The following FBXO3 variants were observed in gnomAD, a reference collection of about 807,000 sequenced individuals.
The protein encoded by FBXO3 is F-box only protein 3.
FBXO3 carries 17 observed loss-of-function variants against 64.8 expected under a neutral mutation model. The observed-to-expected ratio is 0.26, with a 90% CI of 0.18 to 0.39. The LOEUF is 0.39. Among genes scored for constraint, FBXO3 ranks in the 10% least tolerant of loss-of-function variants. The probability of loss-of-function intolerance (pLI) is 1.00; values close to 1 mark genes in which losing one functional copy is unlikely to be tolerated. For missense variants in FBXO3, 420 were observed against 589.9 expected, an observed-to-expected ratio of 0.71 and a Z score of 2.98; for synonymous variants, 182 against 201.6, an observed-to-expected ratio of 0.90 and a Z score of 0.82.
chr11:33,747,893 A>C (rs1590563390), intron 9 of FBXO3, among the ~76,000 whole-genome samples: 1 of 151,350 alleles, frequency 6.6e-6, no homozygotes, highest in South Asian at 2.1e-4. Context: ...AAAAAAAAAA[A>C]CAGAACAGGC....
chr11:33,754,065 A>G (rs980248579), intron 6 of FBXO3: 1 of 159,024 alleles, frequency 6.3e-6, no homozygotes, highest in Non-Finnish European at 1.4e-5. Context: ...TCTTAATGCT[A>G]CTGCATTAGC....
intron 9 of FBXO3, 86 bp downstream of exon 9, chr11:33,748,690 TA>T (rs1854877303): frequency 1.3e-6 from 1 of 748,370 alleles, no homozygotes; most frequent in East Asian, 2.6e-5. Context: ...TAACGACCTT[TA>T]TACATTTATA....
chr11:33,745,792 A>G (rs1013978551), intron 10 of FBXO3: 1 of 152,212 alleles, frequency 6.6e-6, no homozygotes, highest in Admixed American at 6.5e-5. Flanking sequence ...GCAGAAATCA[A>G]TGCGATAGAA....
intron 9 of FBXO3, 85 bp downstream of exon 9, chr11:33,748,692 T>C (rs951108609): frequency 7.9e-6 from 6 of 763,950 alleles, no homozygotes; most frequent in Non-Finnish European, 1.3e-5. Flanking sequence ...ACGACCTTTA[T>C]ACATTTATAT....
chr11:33,768,019 G>C (rs1210627416), intron 3 of FBXO3, among the ~76,000 whole-genome samples: 1 of 152,128 alleles, frequency 6.6e-6, no homozygotes, highest in Admixed American at 6.5e-5. Flanking sequence ...AAATTAGAGA[G>C]GAAACACAAA....
chr11:33,751,689 A>G, intron 6 of FBXO3, 82 bp from the exon 7 acceptor site: 1 of 706,094 alleles, frequency 1.4e-6, no homozygotes, highest in Non-Finnish European at 2.3e-6. Flanking sequence ...TAATTCCTCT[A>G]TGCTTTAGAA....
At chr11:33,771,745 C>A (rs1374140480) in intron 1 of FBXO3, 1 of 152,212 alleles carries the variant, frequency 6.6e-6, no homozygotes, top group Non-Finnish European at 1.5e-5. Context: ...ACATCATCCT[C>A]ATCCTTTTCT....
intron 10 of FBXO3, chr11:33,744,863 C>T (rs1854776025): frequency 6.6e-6 from 1 of 152,154 alleles, no homozygotes. Flanking sequence ...AGCATTAATA[C>T]AATCCACATA....
rs67370716 is a variant in FBXO3, at chr11:33,766,988, CA to C, written c.358+1862del. On this transcript the variant is annotated intron_variant, in intron 3 of 10. Transcript: ENST00000265651. The stretch of plus-strand genomic sequence containing the variant: ...CCTGGAACTACCAAAATTCATGCAC[CA>C]AAAAAAAAAAAAGAAAAAAAAAAGG... Among the ~76,000 whole-genome samples the C allele has an allele frequency of 7.1e-3, 394 of 55,172 alleles. 1 individual carries two copies. Among genetic ancestry groups the C allele is most frequent in the Admixed American group, 0.022 (108 of 4,970 alleles). 36.2% of individuals were successfully genotyped at this position (55,172 alleles called of 152,430 possible). A position where few individuals can be genotyped will look rare whatever the true frequency, so the allele number is the denominator to read the frequency against.
At position 33,750,679 on chromosome 11, in the gene FBXO3, T is replaced by C; in HGVS notation, c.810-18A>G. ...GAACATATCTAGGTAATTTAAAAAT[T>C]AAACATTTTAAAATCAACTACAGGA... On this transcript the variant is annotated intron_variant, in intron 7 of 10. Coordinates refer to ENST00000265651, the MANE Select transcript of FBXO3 (RefSeq NM_012175.4). 1 of 1,599,008 alleles carries C rather than the reference T, an allele frequency of 6.3e-7. No individual in the cohort carries two copies. The highest frequency in any genetic ancestry group is 1.7e-5 in the Admixed American group (1 of 59,114).
At position 33,770,746 on chromosome 11, in the gene FBXO3, T is replaced by G. The variant is rs1213921170; in HGVS notation, c.189A>C (p.Ile63=). The change falls in exon 2 of 11, where the codon ATA becomes ATC. Residue 63 remains isoleucine, a synonymous_variant. Coordinates refer to ENST00000265651, the MANE Select transcript of FBXO3 (RefSeq NM_012175.4). ...CATATTCCTCGAATACTCACTCAGA[T>G]ATCAGCCAGTATTTTTTGCAATGTC... ...WRRHCKKYWL[I]SEEEKTQKNQ... 1 of 1,610,214 alleles carries G rather than the reference T, an allele frequency of 6.2e-7. No individual in the cohort carries two copies. Among genetic ancestry groups the G allele is most frequent in the African/African-American group, 1.3e-5 (1 of 74,902 alleles).
chr11:33,746,110 A>G (rs1384568613), intron 10 of FBXO3: 1 of 152,310 alleles, frequency 6.6e-6, no homozygotes, highest in African/African-American at 2.4e-5. Context: ...TTAAATTCAA[A>G]TTTCAAAATT....
In FBXO3 at chr11:33,755,979, A is replaced by T. The variant is rs1474965702; in HGVS notation, c.474-4T>A. The T allele has an allele frequency of 6.2e-6, 10 of 1,612,516 alleles. No homozygotes were observed. The highest frequency in any genetic ancestry group is 8.5e-6 in the Non-Finnish European group (10 of 1,178,750). ...CAGTGCCATGCTTCCCAATAACCTGAGGAGCATACAGACTCAAACATGTAA... is the reference window on the plus strand; with the variant it reads ...CAGTGCCATGCTTCCCAATAACCTGTGGAGCATACAGACTCAAACATGTAA... On this transcript the variant is annotated splice_polypyrimidine_tract_variant and splice_region_variant and intron_variant, in intron 4 of 10. Coordinates refer to ENST00000265651, the MANE Select transcript of FBXO3 (RefSeq NM_012175.4).
chr11:33,773,461 G>A (rs60960833), intron 1 of FBXO3: 184 of 152,296 alleles, frequency 1.2e-3, no homozygotes, highest in African/African-American at 4.2e-3. Flanking sequence ...AGAATCTAAT[G>A]GTTAATCCAA....
chr11:33,774,162 C>T, intron 1 of FBXO3: 1 of 480,956 alleles, frequency 2.1e-6, no homozygotes, highest in Non-Finnish European at 3.7e-6. Context: ...AGAGAGATAT[C>T]TCGTCGCTTC....
At chr11:33,766,096 C>T (rs1363264778) in intron 3 of FBXO3, among the ~76,000 whole-genome samples, 1 of 152,168 alleles carries the variant, frequency 6.6e-6, no homozygotes, top group Non-Finnish European at 1.5e-5. Context: ...GGGGATAATA[C>T]CACCTACCTT....
At position 33,742,049 on chromosome 11, in the gene FBXO3, T is replaced by C. The variant is rs1188720446; in HGVS notation, c.1275A>G (p.Glu425=). Residue 425 remains glutamate, a synonymous_variant, in exon 11 of 11, where the codon GAA becomes GAG. Transcript: ENST00000265651. ...CTTCCTCCTCTTCCTCCTCCTCCTC[T>C]TCTTCCATCTCTTCATATTCATCAG... is the stretch of plus-strand genomic sequence containing the variant. ...MGPDEYEEME[E]EEEEEEEEDE... is the part of the protein sequence containing the mutation. The C allele has an allele frequency of 6.2e-7, 1 of 1,605,258 alleles. No individual in the cohort carries two copies. Among genetic ancestry groups the C allele is most frequent in the African/African-American group, 1.3e-5 (1 of 74,772 alleles).
intron 9 of FBXO3, 101 bp from the exon 10 acceptor site, chr11:33,747,421 G>A: frequency 2.2e-6 from 2 of 900,918 alleles, no homozygotes; most frequent in Admixed American, 2.8e-5. Flanking sequence ...CTATATAATA[G>A]TAAATGCACA....
rs186123246 is a variant in FBXO3 at position 33,750,026 on chromosome 11, G to C, written c.932+513C>G. ...AAAGCACAGTATCCTTAATCCCTTA[G>C]GGCAATGAGTTATCTTTGTGTCATA... On this transcript the variant is annotated intron_variant, in intron 8 of 10. Transcript: ENST00000265651. Among the ~76,000 whole-genome samples, 9 of 151,800 alleles carry C rather than the reference G, an allele frequency of 5.9e-5. No individual in the cohort carries two copies. In the East Asian group the frequency reaches 1.7e-3, roughly 29 times the overall value.
Sources: gnomAD v4.1 joint callset for allele counts (sites outside exome capture counted in the v4.1 genomes callset) on GRCh38, gnomAD v4.1.1 for gene constraint, MANE v1.5 for transcripts, NCBI Gene and HGNC (gene_info 2026-07-23, HGNC 2026-07-21) for gene names.